Variants in SEM1 observed in about 807,000 individuals in gnomAD.
SEM1 encodes the protein 26S proteasome complex subunit SEM1.
A neutral mutation model predicts 12.7 loss-of-function variants in SEM1; 3 were observed. The observed-to-expected ratio is 0.24, with a 90% CI of 0.11 to 0.61. SEM1 has a LOEUF of 0.61. Among genes scored for constraint, SEM1 ranks in the 20% least tolerant of loss-of-function variants. The pLI is 0.88. For missense variants in SEM1, 59 were observed against 81.3 expected (o/e 0.73, Z 1.06); for synonymous variants, 30 against 27.8 (o/e 1.08, Z -0.25).
Position 96,629,982 on chromosome 7 carries a change from A to G in SEM1, c.171-7339T>C, listed in dbSNP as rs117223267. 3.7e-3 allele frequency among the ~76,000 whole-genome samples: 571 copies of G among 152,346 alleles called. 21 individuals are homozygous for G. In the East Asian group the frequency reaches 0.097, roughly 26 times the overall value. ...TCTCTTTCCTTACTTTCTCCCAAAC[A>G]GAGCCTCTCTCTCTGTTCTGAGCCA... On this transcript the variant is annotated intron_variant, in intron 2 of 2. Transcript: ENST00000417009.
chr7:96,691,485 T>TG (rs1367370011), intron 2 of SEM1, among the ~76,000 whole-genome samples: 1 of 152,244 alleles, frequency 6.6e-6, no homozygotes, highest in Non-Finnish European at 1.5e-5. Flanking sequence ...GAGGCAGATC[T>TG]GGGGTTGGAA....
At chr7:96,585,666 C>G (rs1043957088) in intron 2 of SEM1, among the ~76,000 whole-genome samples, 3 of 152,240 alleles carry the variant, frequency 2.0e-5, no homozygotes, top group Non-Finnish European at 4.4e-5. Context: ...ATATAATCTC[C>G]TGATGCGCTG....
intron 2 of SEM1, among the ~76,000 whole-genome samples, chr7:96,532,334 C>T (rs925993075): frequency 6.6e-6 from 1 of 151,982 alleles, no homozygotes; most frequent in Non-Finnish European, 1.5e-5. Context: ...CCTCTGATTC[C>T]ACCTCACAGT....
downstream of SEM1, among the ~76,000 whole-genome samples, chr7:96,670,239 C>T (rs1563105719): frequency 6.6e-6 from 1 of 152,014 alleles, no homozygotes; most frequent in African/African-American, 2.4e-5. Context: ...TTTATTCTAA[C>T]TCATTAAATT....
chr7:96,591,536 G>A (rs1407990079), intron 2 of SEM1, among the ~76,000 whole-genome samples: 2 of 151,730 alleles, frequency 1.3e-5, no homozygotes, highest in African/African-American at 2.4e-5. Context: ...AAGTTACTTA[G>A]CAACAATATA....
chr7:96,553,100 T>C (rs563460541), intron 2 of SEM1, among the ~76,000 whole-genome samples: 25 of 152,324 alleles, frequency 1.6e-4, no homozygotes, highest in African/African-American at 5.5e-4. Flanking sequence ...TATTAGCCCT[T>C]GTCAGATGAG....
chr7:96,552,721 G>A (rs1468006845), intron 2 of SEM1, among the ~76,000 whole-genome samples: 1 of 152,026 alleles, frequency 6.6e-6, no homozygotes, highest in Non-Finnish European at 1.5e-5. Flanking sequence ...TGGGATGGCT[G>A]GGTCAAATGG....
chr7:96,634,733 C>A (rs894703576), intron 2 of SEM1, among the ~76,000 whole-genome samples: 1 of 151,580 alleles, frequency 6.6e-6, no homozygotes, highest in African/African-American at 2.4e-5. Context: ...GGGGAAAGAA[C>A]CTTTCAAAGA....
chr7:96,543,478 G>C (rs1805016827), intron 2 of SEM1, among the ~76,000 whole-genome samples: 1 of 151,772 alleles, frequency 6.6e-6, no homozygotes, highest in Non-Finnish European at 1.5e-5. Context: ...ACTGTTTACT[G>C]TTTAGTCCAA....
At chr7:96,694,483 T>A (rs1790029074) in intron 2 of SEM1, among the ~76,000 whole-genome samples, 2 of 152,004 alleles carry the variant, frequency 1.3e-5, no homozygotes, top group African/African-American at 4.8e-5. Flanking sequence ...ATGATTCTAA[T>A]TTCTGCTGAG....
At chr7:96,572,543 C>T (rs760565204) in intron 2 of SEM1, among the ~76,000 whole-genome samples, 1 of 152,100 alleles carries the variant, frequency 6.6e-6, no homozygotes, top group Non-Finnish European at 1.5e-5. Context: ...ATTATTTACC[C>T]AGTAGTCATT....
At chr7:96,690,613 C>T (rs1789901641) in intron 2 of SEM1, among the ~76,000 whole-genome samples, 1 of 152,126 alleles carries the variant, frequency 6.6e-6, no homozygotes, top group African/African-American at 2.4e-5. Context: ...AGTGAACATA[C>T]ACTATCTGAA....
At chr7:96,694,999 A>G in intron 1 of SEM1, 108 bp from the exon 2 acceptor site, 1 of 700,894 alleles carries the variant, frequency 1.4e-6, no homozygotes, top group Non-Finnish European at 2.4e-6. Flanking sequence ...AAAACAGCTA[A>G]AACCATATCT....
intron 2 of SEM1, among the ~76,000 whole-genome samples, chr7:96,659,840 C>T (rs1788931418): frequency 6.9e-6 from 1 of 145,910 alleles, no homozygotes; most frequent in African/African-American, 2.5e-5. Flanking sequence ...CCACCAAGCC[C>T]CCCAAAAGGC....
intron 1 of SEM1, among the ~76,000 whole-genome samples, chr7:96,488,129 A>G (rs1043528533): frequency 6.6e-6 from 1 of 152,184 alleles, no homozygotes; most frequent in Non-Finnish European, 1.5e-5. Flanking sequence ...AAGGGAGAGC[A>G]TGGTCTTCTT....
chr7:96,611,165 C>T (rs1220726275), intron 2 of SEM1, among the ~76,000 whole-genome samples: 1 of 152,242 alleles, frequency 6.6e-6, no homozygotes, highest in Non-Finnish European at 1.5e-5. Flanking sequence ...AAATGACCTA[C>T]ATGCCTCCCT....
At chr7:96,485,088 T>C (rs1035453405) in intron 2 of SEM1, among the ~76,000 whole-genome samples, 2 of 152,168 alleles carry the variant, frequency 1.3e-5, no homozygotes, top group African/African-American at 2.4e-5. Flanking sequence ...GTCCTCCAAA[T>C]ACACAGCGAA....
chr7:96,600,241 A>G (rs1807156000), intron 2 of SEM1, among the ~76,000 whole-genome samples: 1 of 152,212 alleles, frequency 6.6e-6, no homozygotes, highest in African/African-American at 2.4e-5. Flanking sequence ...CAACAGCAGT[A>G]TTTTTAAGTG....
At chr7:96,679,186 T>TAA (rs965736190) in intron 2 of SEM1, among the ~76,000 whole-genome samples, 2 of 152,116 alleles carry the variant, frequency 1.3e-5, no homozygotes, top group African/African-American at 4.8e-5. Flanking sequence ...GTAAAAGACA[T>TAA]AAACACACAT....
Sources: allele counts gnomAD v4.1 joint callset (sites outside exome capture counted in the v4.1 genomes callset), GRCh38; gene constraint gnomAD v4.1.1; transcripts MANE v1.5; gene names NCBI Gene and HGNC (gene_info 2026-07-23, HGNC 2026-07-21).